Variants in SLC16A5 observed in about 807,000 individuals in gnomAD.
SLC16A5 encodes the protein monocarboxylate transporter 6.
SLC16A5 carries 29 observed loss-of-function variants against 33.2 expected under a neutral mutation model. That is an observed-to-expected ratio of 0.87 (90% CI 0.65 to 1.19). The LOEUF (loss-of-function observed/expected upper bound fraction) is 1.19, where lower values mean the gene tolerates loss of function less well. Among genes scored for constraint, SLC16A5 ranks in the 50% most tolerant of loss-of-function variants. The pLI, the probability that SLC16A5 is intolerant of heterozygous loss-of-function variation, is 0.00. For missense variants in SLC16A5, 606 were observed against 678.2 expected, an observed-to-expected ratio of 0.89 and a Z score of 1.18; for synonymous variants, 248 against 284.1, an observed-to-expected ratio of 0.87 and a Z score of 1.28.
rs2073816145 is a variant in SLC16A5 at position 75,102,757 on chromosome 17, G to A, written c.1154-1213G>A. Among the ~76,000 whole-genome samples, 8 of 151,668 alleles carry A rather than the reference G, an allele frequency of 5.3e-5. No homozygotes were observed. In the South Asian group the frequency reaches 1.7e-3, roughly 32 times the overall value. ...TTTTTCTTTTTTTTTTTTTGAGGCA[G>A]AGTCTCGCTCTGTCATCCAGGCTGG... On this transcript the variant is annotated intron_variant, in intron 5 of 6. Transcript: ENST00000329783.
downstream of SLC16A5, among the ~76,000 whole-genome samples, chr17:75,109,261 C>T (rs2073887537): frequency 6.6e-6 from 1 of 152,182 alleles, no homozygotes; most frequent in Non-Finnish European, 1.5e-5. The surrounding 1 kb of genome is among the most constrained non-coding windows in gnomAD (Gnocchi z 5.0). Flanking sequence ...GCCATCCACC[C>T]GGCTGACAAA....
chr17:75,104,435 T>C (rs1398568886), intron 6 of SLC16A5: 18 of 1,232,942 alleles, frequency 1.5e-5, no homozygotes, highest in Non-Finnish European at 1.8e-5. Context: ...TTTTTTTTTT[T>C]TGAGGCGGAG....
chr17:75,091,445 G>A (rs1177285281), intron 2 of SLC16A5, among the ~76,000 whole-genome samples: 2 of 152,192 alleles, frequency 1.3e-5, no homozygotes, highest in African/African-American at 4.8e-5. Context: ...GAGGGCAGGA[G>A]GGCAAGCAGT....
chr17:75,092,274 C>T (rs12943414), intron 2 of SLC16A5, among the ~76,000 whole-genome samples: 69,480 of 151,324 alleles, frequency 0.46, 17,162 homozygotes, highest in African/African-American at 0.65. Context: ...TCTCTGTGTT[C>T]GTGTGAGTGT....
In SLC16A5 at chr17:75,100,376, A is replaced by C. The variant is rs756729895; in HGVS notation, c.713A>C (p.Tyr238Ser). The change falls in exon 5 of 7, where the codon TAC becomes TCC. Residue 238 changes from tyrosine (Y) to serine (S), a missense_variant. Coordinates refer to ENST00000329783, the MANE Select transcript of SLC16A5 (RefSeq NM_004695.4). ...AFDILRHNTG[Y>S]CVYILGVMWS... ...GACATCCTGCGGCACAACACAGGCTACTGCGTGTACATACTGGGTGTGATG... is the reference window on the plus strand; with the variant it reads ...GACATCCTGCGGCACAACACAGGCTCCTGCGTGTACATACTGGGTGTGATG... 1.2e-6 allele frequency: 2 copies of C among 1,614,186 alleles called. No individual in the cohort carries two copies. Among genetic ancestry groups the C allele is most frequent in the Admixed American group, 3.3e-5 (2 of 60,020 alleles).
At chr17:75,090,216 T>G (rs2073619470) in intron 2 of SLC16A5, 1 of 152,128 alleles carries the variant, frequency 6.6e-6, no homozygotes, top group African/African-American at 2.4e-5. Flanking sequence ...CCCAAAATGC[T>G]GGGATTACAG....
At chr17:75,104,791 G>T (rs1204878000) in intron 6 of SLC16A5, 2 of 985,260 alleles carry the variant, frequency 2.0e-6, no homozygotes, top group East Asian at 2.3e-4. Flanking sequence ...CCAGGAGCAG[G>T]CCCTCCGGAC....
At chr17:75,104,353 G>A in intron 6 of SLC16A5, 173 bp downstream of exon 6, 1 of 1,432,600 alleles carries the variant, frequency 7.0e-7, no homozygotes, top group Non-Finnish European at 9.1e-7. Context: ...GGCTCTGCAA[G>A]CTGGGACTCT....
chr17:75,089,762 A>G (rs2073613540), intron 2 of SLC16A5: 1 of 151,016 alleles, frequency 6.6e-6, no homozygotes, highest in Non-Finnish European at 1.5e-5. Context: ...TCAGAAAAAA[A>G]AAAAAAAAAA....
chr17:75,096,623 C>G lies in SLC16A5; in HGVS notation c.200-1415C>G, dbSNP rs555987575. ...TCGGCTCACTGCAACCTCCACCTCC[C>G]GGGTTCAAGCGATTCTCCTGCCTCA... On this transcript the variant is annotated intron_variant, in intron 3 of 6. Transcript: ENST00000329783. 7.3e-5 allele frequency among the ~76,000 whole-genome samples: 11 copies of G among 151,508 alleles called. No homozygotes were observed. In the South Asian group the frequency reaches 1.9e-3, roughly 26 times the overall value.
rs74338516 is a variant in SLC16A5 at position 75,097,172 on chromosome 17, C to G, written c.200-866C>G. ...ACACTGGCTCACACCACACATCCCC[C>G]CTCCACCGCAGACACACACAAGCAT... is the stretch of plus-strand genomic sequence containing the variant. On this transcript the variant is annotated intron_variant, in intron 3 of 6. Transcript: ENST00000329783. Among the ~76,000 whole-genome samples, 1,032 of 152,178 alleles carry G rather than the reference C, an allele frequency of 6.8e-3. 34 individuals are homozygous for G. The East Asian group carries it at 0.084, about 12-fold the overall frequency.
intron 1 of SLC16A5, among the ~76,000 whole-genome samples, chr17:75,088,677 G>A (rs2073599995): frequency 6.6e-6 from 1 of 152,030 alleles, no homozygotes; most frequent in Non-Finnish European, 1.5e-5. Context: ...GGGTCCCCAG[G>A]GCCTGCCTCA....
At chr17:75,090,626 A>G (rs1195409193) in intron 2 of SLC16A5, among the ~76,000 whole-genome samples, 1 of 151,224 alleles carries the variant, frequency 6.6e-6, no homozygotes, top group Admixed American at 6.6e-5. Flanking sequence ...ACGCCCGGCT[A>G]ATTATTGTAT....
intron 2 of SLC16A5, chr17:75,090,017 CAG>C (rs1158939101): frequency 6.6e-6 from 1 of 152,144 alleles, no homozygotes; most frequent in African/African-American, 2.4e-5. Context: ...TTTTTTGAGA[CAG>C]AGTCTCACCG....
chr17:75,094,936 C>T (rs935456543), intron 3 of SLC16A5, among the ~76,000 whole-genome samples: 3 of 152,164 alleles, frequency 2.0e-5, no homozygotes, highest in African/African-American at 4.8e-5. Context: ...CTGCAGTCGC[C>T]GTGGACACAG....
At position 75,100,340 on chromosome 17, in the gene SLC16A5, AC is replaced by A; in HGVS notation, c.679del (p.Leu227TrpfsTer19). On this transcript the variant is annotated frameshift_variant, in exon 5 of 7. Transcript: ENST00000329783. LOFTEE classifies it high-confidence loss of function. The stretch of plus-strand genomic sequence containing the variant: ...GCATGCGGCCGGACCATCCAGCGCC[AC>A]CTGGCCTTCGACATCCTGCGGCACA... Reference protein sequence around the residue: ...LAACGRTIQRHLAFDILRHNT... With the variant: ...LAACGRTIQRXLAFDILRHNT... 6.2e-7 allele frequency: 1 copy of A among 1,614,086 alleles called. No homozygotes were observed. The highest frequency in any genetic ancestry group is 1.1e-5 in the South Asian group (1 of 91,066).
intron 5 of SLC16A5, among the ~76,000 whole-genome samples, chr17:75,101,357 G>A (rs933723037): frequency 1.3e-5 from 2 of 151,238 alleles, no homozygotes; most frequent in Non-Finnish European, 2.9e-5. Flanking sequence ...TCAGGAGATC[G>A]AGACCAACAT....
chr17:75,103,454 C>T (rs894505357), intron 5 of SLC16A5, among the ~76,000 whole-genome samples: 1 of 151,536 alleles, frequency 6.6e-6, no homozygotes, highest in Non-Finnish European at 1.5e-5. Flanking sequence ...CTCAGCCTCT[C>T]AAGTAGCTGG....
intron 3 of SLC16A5, among the ~76,000 whole-genome samples, chr17:75,094,040 C>T (rs1182776676): frequency 6.6e-6 from 1 of 152,216 alleles, no homozygotes; most frequent in Non-Finnish European, 1.5e-5. Context: ...GGGGAGGTGC[C>T]TGGGTTGCAA....
Sources: gnomAD v4.1 joint callset for allele counts (sites outside exome capture counted in the v4.1 genomes callset) on GRCh38, gnomAD v4.1.1 for gene constraint, Gnocchi (gnomAD v3.1) non-coding constraint, MANE v1.5 for transcripts, NCBI Gene and HGNC (gene_info 2026-07-23, HGNC 2026-07-21) for gene names.